Variants in HSD17B12 observed in about 807,000 individuals in gnomAD.
HSD17B12 encodes very-long-chain 3-oxoacyl-CoA reductase.
HSD17B12 carries 32 observed loss-of-function variants against 39.3 expected under a neutral mutation model. The observed-to-expected ratio is 0.81, with a 90% CI of 0.61 to 1.09. The LOEUF is 1.09. Ranked by LOEUF, HSD17B12 falls within the 50% of genes least tolerant of loss-of-function variation. The pLI, the probability that HSD17B12 is intolerant of heterozygous loss-of-function variation, is 0.00. For synonymous variants in HSD17B12, 150 were observed against 146.7 expected, an observed-to-expected ratio of 1.02 and a Z score of -0.16; for missense variants, 342 against 382.9, an observed-to-expected ratio of 0.89 and a Z score of 0.89.
chr11:43,578,227 G>A, the HSD17B12 span, among the ~76,000 whole-genome samples: 1 of 152,212 alleles, frequency 6.6e-6, no homozygotes, highest in Non-Finnish European at 1.5e-5. Context: ...ACTCGGGACG[G>A]TGAGGTAAGT....
At chr11:43,622,430 C>A in the HSD17B12 span, among the ~76,000 whole-genome samples, 3 of 151,336 alleles carry the variant, frequency 2.0e-5, no homozygotes, top group African/African-American at 7.3e-5. Flanking sequence ...ACCTCCATTT[C>A]TACAAAAAAT....
At chr11:43,806,810 G>A (rs924606084) in intron 4 of HSD17B12, among the ~76,000 whole-genome samples, 1 of 152,168 alleles carries the variant, frequency 6.6e-6, no homozygotes, top group Non-Finnish European at 1.5e-5. Context: ...TTTCAAAATA[G>A]CTAGAAGAGA....
chr11:43,695,825 G>GATAA (rs144458224), intron 1 of HSD17B12, among the ~76,000 whole-genome samples: 1 of 152,124 alleles, frequency 6.6e-6, no homozygotes, highest in Non-Finnish European at 1.5e-5. Flanking sequence ...TCCTTCAGCA[G>GATAA]ATAAATAAAT....
At chr11:43,597,656 T>C in the HSD17B12 span, among the ~76,000 whole-genome samples, 1 of 152,200 alleles carries the variant, frequency 6.6e-6, no homozygotes. Context: ...TTTGTTGTTT[T>C]TTGTTTTGAA....
intron 3 of HSD17B12, among the ~76,000 whole-genome samples, chr11:43,772,965 G>A (rs1950664081): frequency 6.6e-6 from 1 of 152,080 alleles, no homozygotes; most frequent in Non-Finnish European, 1.5e-5. Flanking sequence ...CAAAAAAATA[G>A]CTGGGTGCGG....
chr11:43,601,500 CTTT>C, the HSD17B12 span, among the ~76,000 whole-genome samples: 23,895 of 141,212 alleles, frequency 0.17, 2,104 homozygotes, highest in Middle Eastern at 0.27. Flanking sequence ...AGTTAAAGAG[CTTT>C]TTTTTTTTTT....
the HSD17B12 span, among the ~76,000 whole-genome samples, chr11:43,619,249 T>TATATATATGATATATATATATAAAAA: frequency 1.0e-4 from 12 of 118,840 alleles, no homozygotes; most frequent in Non-Finnish European, 1.9e-4. Context: ...ATATAAAATA[T>TATATATATGATATATATATATAAAAA]ATATATATAT....
At chr11:43,708,417 G>A (rs1449934174) in intron 1 of HSD17B12, among the ~76,000 whole-genome samples, 2 of 152,100 alleles carry the variant, frequency 1.3e-5, no homozygotes, top group Non-Finnish European at 2.9e-5. Flanking sequence ...AAAATATTTT[G>A]CAGTACACCC....
the HSD17B12 span, among the ~76,000 whole-genome samples, chr11:43,617,776 G>T: frequency 6.6e-6 from 1 of 152,024 alleles, no homozygotes; most frequent in African/African-American, 2.4e-5. Flanking sequence ...TCAAGTGCCC[G>T]TTCTACAGGA....
At chr11:43,728,575 T>C (rs951033021) in intron 1 of HSD17B12, among the ~76,000 whole-genome samples, 1 of 152,140 alleles carries the variant, frequency 6.6e-6, no homozygotes, top group Non-Finnish European at 1.5e-5. Flanking sequence ...TTAGATTTTT[T>C]TCCCAAAACA....
At chr11:43,580,163 G>A in the HSD17B12 span, among the ~76,000 whole-genome samples, 4 of 151,908 alleles carry the variant, frequency 2.6e-5, no homozygotes, top group African/African-American at 9.7e-5. Flanking sequence ...ATGGAGGAGG[G>A]GGCCGAGCGG....
chr11:43,770,273 C>T (rs971267731), intron 3 of HSD17B12, among the ~76,000 whole-genome samples: 5 of 152,090 alleles, frequency 3.3e-5, no homozygotes, highest in Non-Finnish European at 7.3e-5. Flanking sequence ...ATCTGTTAAC[C>T]CTGGGCCCAG....
the HSD17B12 span, among the ~76,000 whole-genome samples, chr11:43,625,732 C>G: frequency 6.6e-6 from 1 of 151,192 alleles, no homozygotes; most frequent in Non-Finnish European, 1.5e-5. Context: ...TCAGCTTACT[C>G]TTGATATCTG....
At chr11:43,657,087 G>A in the HSD17B12 span, among the ~76,000 whole-genome samples, 5 of 152,168 alleles carry the variant, frequency 3.3e-5, no homozygotes, top group African/African-American at 9.7e-5. Context: ...GGATGCTCCT[G>A]TATTGGGTGC....
chr11:43,647,377 G>A, the HSD17B12 span, among the ~76,000 whole-genome samples: 1 of 151,568 alleles, frequency 6.6e-6, no homozygotes, highest in Non-Finnish European at 1.5e-5. Flanking sequence ...CCAGGCTCAA[G>A]CTATCCTCCT....
At position 43,856,581 on chromosome 11, in the gene HSD17B12, A is replaced by T. The variant is rs1951584710; in HGVS notation, c.*1333A>T. On this transcript the variant is annotated 3_prime_UTR_variant, in exon 11 of 11. Coordinates refer to ENST00000278353, the MANE Select transcript of HSD17B12 (RefSeq NM_016142.3). The stretch of plus-strand genomic sequence containing the variant: ...ATGTAATCTCAGAATAAAGGTTGTC[A>T]TTTAAGTTGAATAAATATATAGCTT... The T allele has an allele frequency of 1.3e-5, 2 of 152,390 alleles. No homozygotes were observed. Among genetic ancestry groups the T allele is most frequent in the Middle Eastern group, 3.4e-3 (1 of 294 alleles). The allele number at this position is 152,390 out of a possible 1,614,324, so 9.4% of individuals were successfully genotyped here.
intron 6 of HSD17B12, among the ~76,000 whole-genome samples, chr11:43,820,890 C>T (rs1369517176): frequency 6.6e-6 from 1 of 152,212 alleles, no homozygotes. Flanking sequence ...CCTGGCTTTA[C>T]ATTCCTTCAG....
intron 4 of HSD17B12, among the ~76,000 whole-genome samples, chr11:43,807,673 G>A (rs1345244479): frequency 6.6e-6 from 1 of 152,100 alleles, no homozygotes; most frequent in African/African-American, 2.4e-5. Flanking sequence ...ATAGGAGGAG[G>A]CCAGTAAGAC....
the HSD17B12 span, among the ~76,000 whole-genome samples, chr11:43,671,707 CT>C: frequency 6.6e-6 from 1 of 152,072 alleles, no homozygotes; most frequent in Non-Finnish European, 1.5e-5. Context: ...ATAATCACAG[CT>C]TTTACTTCTA....
Sources: allele counts gnomAD v4.1 joint callset (sites outside exome capture counted in the v4.1 genomes callset), GRCh38; gene constraint gnomAD v4.1.1; transcripts MANE v1.5; gene names NCBI Gene and HGNC (gene_info 2026-07-23, HGNC 2026-07-21).